Variants in N4BP2 observed in about 807,000 individuals in gnomAD.
N4BP2 encodes the protein NEDD4 binding protein 2.
N4BP2 carries 91 observed loss-of-function variants against 152.8 expected under a neutral mutation model. The observed-to-expected ratio is 0.60, with a 90% CI of 0.50 to 0.71. The LOEUF (loss-of-function observed/expected upper bound fraction) is 0.71, where lower values mean the gene tolerates loss of function less well. N4BP2 is among the 30% of genes least tolerant of loss of function. The pLI is 0.00. For synonymous variants in N4BP2, 646 were observed against 705.3 expected, an observed-to-expected ratio of 0.92 and a Z score of 1.33; for missense variants, 1,923 against 2,059.1, an observed-to-expected ratio of 0.93 and a Z score of 1.28.
chr4:40,149,039 G>A (rs1466371891), intron 16 of N4BP2, among the ~76,000 whole-genome samples: 2 of 152,200 alleles, frequency 1.3e-5, no homozygotes, highest in Non-Finnish European at 2.9e-5. Context: ...TAGCCACTGT[G>A]AAAAATTTCA....
At chr4:40,068,105 T>A (rs1409222566) in intron 1 of N4BP2, among the ~76,000 whole-genome samples, 1 of 152,228 alleles carries the variant, frequency 6.6e-6, no homozygotes, top group Non-Finnish European at 1.5e-5. Flanking sequence ...TTGTTGGCCA[T>A]GTGTATATCT....
chr4:40,062,734 ATCTG>A lies in N4BP2; in HGVS notation c.-212+5709_-212+5712del, dbSNP rs1355773661. Among the ~76,000 whole-genome samples, 6 of 152,164 alleles carry A rather than the reference ATCTG, an allele frequency of 3.9e-5. No individual in the cohort carries two copies. The East Asian group carries it at 1.2e-3, about 29-fold the overall frequency. ...TCTGCACTTGAGTTCAGAAGCTTCT[ATCTG>A]TCTGGAATACCTTTCCTAGTTTGTT... On this transcript the variant is annotated intron_variant, in intron 1 of 17. Transcript: ENST00000261435.
At chr4:40,165,058 G>A in the N4BP2 span, among the ~76,000 whole-genome samples, 2 of 152,038 alleles carry the variant, frequency 1.3e-5, no homozygotes, top group Admixed American at 6.5e-5. Flanking sequence ...TTGGCAGTGG[G>A]TTACATAGGA....
chr4:40,069,166 AGT>A (rs1479494284), intron 1 of N4BP2, among the ~76,000 whole-genome samples: 1 of 151,900 alleles, frequency 6.6e-6, no homozygotes, highest in Non-Finnish European at 1.5e-5. Context: ...AGCCGGGCAC[AGT>A]GACTCATGCC....
intron 1 of N4BP2, among the ~76,000 whole-genome samples, chr4:40,064,054 T>C (rs1733854449): frequency 6.6e-6 from 1 of 152,116 alleles, no homozygotes; most frequent in Non-Finnish European, 1.5e-5. Context: ...TGCTTCAGCC[T>C]CCCAAGGTGC....
At chr4:40,089,145 G>C (rs1483712430) in intron 2 of N4BP2, among the ~76,000 whole-genome samples, 1 of 151,652 alleles carries the variant, frequency 6.6e-6, no homozygotes, top group Non-Finnish European at 1.5e-5. Flanking sequence ...ATAGAGACAG[G>C]GTCTCACTAT....
the N4BP2 span, among the ~76,000 whole-genome samples, chr4:40,178,636 T>C: frequency 2.6e-5 from 4 of 152,208 alleles, no homozygotes; most frequent in South Asian, 8.3e-4. Flanking sequence ...ACAAGGACAA[T>C]ATCCAGCTCT....
chr4:40,098,997 C>T (rs1047965136), intron 3 of N4BP2, among the ~76,000 whole-genome samples: 10 of 152,130 alleles, frequency 6.6e-5, no homozygotes, highest in South Asian at 2.1e-4. Context: ...ATTATATCTA[C>T]GTTTTTCGTG....
Position 40,086,331 on chromosome 4 carries a change from ATTAT to A in N4BP2, c.-114-10885_-114-10882del, listed in dbSNP as rs1267419910. Among the ~76,000 whole-genome samples, 15 of 150,124 alleles carry A rather than the reference ATTAT, an allele frequency of 1.0e-4. No homozygotes were observed. In the East Asian group the frequency reaches 3.0e-3, roughly 30 times the overall value. On this transcript the variant is annotated intron_variant, in intron 2 of 17. Transcript: ENST00000261435. Reference sequence around the variant, plus strand: ...ACAAAAATAAGAAAAAATTTAAAAAATTATTTATTTATTTTTTTGTTTTTGAGAC... The same window carrying A: ...ACAAAAATAAGAAAAAATTTAAAAAATTATTTATTTTTTTGTTTTTGAGAC...
chr4:40,131,753 A>C, intron 12 of N4BP2, 48 bp from the exon 13 acceptor site: 1 of 1,341,860 alleles, frequency 7.5e-7, no homozygotes, highest in Non-Finnish European at 1.1e-6. Flanking sequence ...CAGTGTTTCT[A>C]GTATTACACA....
the N4BP2 span, chr4:40,167,367 C>T: frequency 6.6e-6 from 1 of 152,142 alleles, no homozygotes; most frequent in Non-Finnish European, 1.5e-5. Flanking sequence ...TGAGAAAAGG[C>T]ATACACCTAA....
intron 2 of N4BP2, among the ~76,000 whole-genome samples, chr4:40,086,084 C>T (rs942394950): frequency 6.6e-6 from 1 of 150,702 alleles, no homozygotes; most frequent in Admixed American, 6.6e-5. Flanking sequence ...CCTCCTGCCT[C>T]AGCTCCCGAG....
intron 2 of N4BP2, among the ~76,000 whole-genome samples, chr4:40,088,403 A>G (rs573656871): frequency 1.3e-5 from 2 of 152,146 alleles, no homozygotes; most frequent in Admixed American, 1.3e-4. Flanking sequence ...CCCATCAGCA[A>G]CCATAAGTGA....
At chr4:40,183,484 C>T in the N4BP2 span, among the ~76,000 whole-genome samples, 1 of 152,054 alleles carries the variant, frequency 6.6e-6, no homozygotes, top group African/African-American at 2.4e-5. Context: ...TACAGGAGCC[C>T]GCTACCGTGC....
intron 16 of N4BP2, among the ~76,000 whole-genome samples, chr4:40,150,342 G>A (rs1290144904): frequency 6.6e-6 from 1 of 152,116 alleles, no homozygotes. Flanking sequence ...ACAACACCAT[G>A]GGGATACAGT....
intron 2 of N4BP2, among the ~76,000 whole-genome samples, chr4:40,090,188 C>A (rs1376536194): frequency 6.6e-6 from 1 of 152,134 alleles, no homozygotes; most frequent in Non-Finnish European, 1.5e-5. Flanking sequence ...ATTAGTGTAG[C>A]CATACAGAAA....
chr4:40,148,410 A>T (rs1335993215), intron 16 of N4BP2, among the ~76,000 whole-genome samples: 1 of 147,824 alleles, frequency 6.8e-6, no homozygotes, highest in Non-Finnish European at 1.5e-5. Context: ...AGTACAGTCC[A>T]GCTTCGGCTC....
chr4:40,123,849 A>G (rs1449828105), intron 10 of N4BP2, among the ~76,000 whole-genome samples: 1 of 152,088 alleles, frequency 6.6e-6, no homozygotes, highest in African/African-American at 2.4e-5. Context: ...AAAGACTTCA[A>G]TGCTGATTGG....
intron 12 of N4BP2, among the ~76,000 whole-genome samples, chr4:40,127,714 G>A (rs1718544597): frequency 6.6e-6 from 1 of 152,044 alleles, no homozygotes; most frequent in African/African-American, 2.4e-5. Flanking sequence ...AGGCTGGAGT[G>A]CAGTGGTGCG....
Sources: allele counts gnomAD v4.1 joint callset (sites outside exome capture counted in the v4.1 genomes callset), GRCh38; gene constraint gnomAD v4.1.1; transcripts MANE v1.5; gene names NCBI Gene and HGNC (gene_info 2026-07-23, HGNC 2026-07-21).